The following PCDHGB2 variants were observed in gnomAD, a reference collection of about 807,000 sequenced individuals.
PCDHGB2 encodes protocadherin gamma subfamily B, 2, also known as protocadherin gamma-B2.
A neutral mutation model predicts 59.3 loss-of-function variants in PCDHGB2; 55 were observed. That is an observed-to-expected ratio of 0.93 (90% CI 0.75 to 1.16). The LOEUF is 1.16. PCDHGB2 is among the 50% of genes most tolerant of loss of function. The pLI, the probability that PCDHGB2 is intolerant of heterozygous loss-of-function variation, is 0.00. For synonymous variants in PCDHGB2, 516 were observed against 512.0 expected (o/e 1.01, Z -0.11); for missense variants, 1,228 against 1,198.5 (o/e 1.02, Z -0.36).
rs374049261 is a variant in PCDHGB2, at chr5:141,393,657, C to T, written c.2421+31101C>T. ...CAACGGAAAAGTGGCATACAAATTC[C>T]GGAAAATTAATGAAAAACAAACTCC... On this transcript the variant is annotated intron_variant, in intron 1 of 3. Coordinates refer to ENST00000522605, the MANE Select transcript of PCDHGB2 (RefSeq NM_018923.3). The T allele has an allele frequency of 3.5e-5, 57 of 1,613,744 alleles. No individual in the cohort carries two copies. In the African/African-American group the frequency reaches 6.5e-4, roughly 19 times the overall value.
chr5:141,372,827 T>C (rs1457588912), intron 1 of PCDHGB2: 7 of 1,550,888 alleles, frequency 4.5e-6, no homozygotes, highest in Non-Finnish European at 6.1e-6. Flanking sequence ...TCTTCAAACC[T>C]TTCCTTCCAT....
chr5:141,414,318 G>A (rs1212643655), intron 1 of PCDHGB2: 1 of 1,613,772 alleles, frequency 6.2e-7, no homozygotes, highest in Non-Finnish European at 8.5e-7. Context: ...TAGACTCTGA[G>A]CAGAATGGAC....
At chr5:141,371,563 T>TC in intron 1 of PCDHGB2, 1 of 1,613,806 alleles carries the variant, frequency 6.2e-7, no homozygotes, top group Non-Finnish European at 8.5e-7. Context: ...AAAGGAAACT[T>TC]CCCCTTTAAA....
chr5:141,416,412 A>G (rs1391280535), intron 1 of PCDHGB2: 1 of 152,182 alleles, frequency 6.6e-6, no homozygotes, highest in Non-Finnish European at 1.5e-5. Flanking sequence ...TTTTTGTTAA[A>G]TTTTCTAGTG....
intron 1 of PCDHGB2, among the ~76,000 whole-genome samples, chr5:141,435,605 C>T (rs776926758): frequency 1.1e-4 from 17 of 152,134 alleles, no homozygotes; most frequent in Non-Finnish European, 1.9e-4. Flanking sequence ...CTGCTTTTTA[C>T]ATTAAATTCC....
At chr5:141,495,841 G>A (rs1187067340) in intron 2 of PCDHGB2, among the ~76,000 whole-genome samples, 1 of 151,864 alleles carries the variant, frequency 6.6e-6, no homozygotes, top group Non-Finnish European at 1.5e-5. Context: ...CAGCCTCTAT[G>A]TTTCTCTGTC....
chr5:141,509,684 C>G (rs572295300), intron 3 of PCDHGB2, among the ~76,000 whole-genome samples: 139 of 152,310 alleles, frequency 9.1e-4, no homozygotes, highest in Admixed American at 3.7e-3. Flanking sequence ...TTCTTCTGTA[C>G]AGTGGGACGT....
intron 1 of PCDHGB2, chr5:141,408,623 G>T: frequency 6.2e-7 from 1 of 1,614,004 alleles, no homozygotes; most frequent in Non-Finnish European, 8.5e-7. Context: ...AATACATTTA[G>T]AAATTTTCGA....
intron 1 of PCDHGB2, among the ~76,000 whole-genome samples, chr5:141,453,492 G>T (rs1046043468): frequency 6.6e-6 from 1 of 152,000 alleles, no homozygotes; most frequent in Non-Finnish European, 1.5e-5. Flanking sequence ...AAAAAAAGGT[G>T]TACTCAGAAA....
In PCDHGB2 at chr5:141,477,101, G is replaced by A. The variant is rs770640663; in HGVS notation, c.2422-17706G>A. On this transcript the variant is annotated intron_variant, in intron 1 of 3. Transcript: ENST00000522605. The surrounding 1 kb of genome is among the most constrained non-coding windows in gnomAD (Gnocchi z 4.9). ...TTACATCCAGGCCAAAGACAAGGGC[G>A]CCAATCCCGAAGGAGCACATTGCAA... 2 of 1,614,262 alleles carry A rather than the reference G, an allele frequency of 1.2e-6. No individual in the cohort carries two copies. Among genetic ancestry groups the A allele is most frequent in the East Asian group, 2.2e-5 (1 of 44,884 alleles).
At chr5:141,421,823 G>A in intron 1 of PCDHGB2, 1 of 1,613,802 alleles carries the variant, frequency 6.2e-7, no homozygotes. Flanking sequence ...GTACTGGAGG[G>A]AAGCCTGGAC....
chr5:141,390,183 T>G, intron 1 of PCDHGB2: 2 of 1,614,036 alleles, frequency 1.2e-6, no homozygotes, highest in Non-Finnish European at 1.7e-6. Context: ...TTTCCTAAAA[T>G]GTAGTGAGCA....
intron 1 of PCDHGB2, among the ~76,000 whole-genome samples, chr5:141,401,424 T>G (rs1408860840): frequency 6.6e-6 from 1 of 152,170 alleles, no homozygotes; most frequent in Non-Finnish European, 1.5e-5. Flanking sequence ...AGAGACTGAT[T>G]CACTGAACTT....
At chr5:141,374,601 G>A (rs772584663) in intron 1 of PCDHGB2, 1 of 1,613,676 alleles carries the variant, frequency 6.2e-7, no homozygotes, top group Middle Eastern at 1.6e-4. Flanking sequence ...TTTAAGCTCA[G>A]TGGTAATAGT....
intron 1 of PCDHGB2, chr5:141,403,954 C>A: frequency 6.2e-7 from 1 of 1,613,800 alleles, no homozygotes; most frequent in Non-Finnish European, 8.5e-7. Flanking sequence ...CAAAAGTGCT[C>A]ATTTCGGTGG....
At chr5:141,495,492 G>C (rs1321150765) in intron 2 of PCDHGB2, among the ~76,000 whole-genome samples, 1 of 152,148 alleles carries the variant, frequency 6.6e-6, no homozygotes, top group Non-Finnish European at 1.5e-5. Flanking sequence ...CCTTTTTCTT[G>C]AGTTTCCGTC....
chr5:141,377,619 G>T (rs1248552210), intron 1 of PCDHGB2: 2 of 145,890 alleles, frequency 1.4e-5, no homozygotes, highest in Admixed American at 1.4e-4. Flanking sequence ...AAAAAAAAAA[G>T]ATTTTGTTTT....
chr5:141,484,219 C>T (rs766309865), intron 1 of PCDHGB2, among the ~76,000 whole-genome samples: 1 of 152,162 alleles, frequency 6.6e-6, no homozygotes, highest in Non-Finnish European at 1.5e-5. Context: ...TAGCATTCTG[C>T]CAGGTAAAGA....
intron 1 of PCDHGB2, chr5:141,400,004 G>T (rs750835037): frequency 2.5e-6 from 4 of 1,612,420 alleles, no homozygotes; most frequent in East Asian, 2.2e-5. Flanking sequence ...CGCACAGCGC[G>T]TGCCTTGGGC....
Sources: allele counts gnomAD v4.1 joint callset (sites outside exome capture counted in the v4.1 genomes callset), GRCh38; gene constraint gnomAD v4.1.1; non-coding constraint Gnocchi (gnomAD v3.1); transcripts MANE v1.5; gene names NCBI Gene and HGNC (gene_info 2026-07-23, HGNC 2026-07-21).